The following FLI1 variants were observed in gnomAD, a reference collection of about 807,000 sequenced individuals.
The protein encoded by FLI1 is Fli-1 proto-oncogene, ETS transcription factor, also known as Friend leukemia integration 1 transcription factor.
Under a neutral mutation model 53.1 loss-of-function variants are expected in FLI1, and 13 were observed. That is an observed-to-expected ratio of 0.24 (90% CI 0.16 to 0.39). FLI1 has a LOEUF of 0.39. Among genes scored for constraint, FLI1 ranks in the 10% least tolerant of loss-of-function variants. The pLI is 1.00. For synonymous variants in FLI1, 244 were observed against 236.7 expected, an observed-to-expected ratio of 1.03 and a Z score of -0.28; for missense variants, 424 against 600.5, an observed-to-expected ratio of 0.71 and a Z score of 3.07.
Position 128,758,126 on chromosome 11 carries a change from G to T in FLI1, c.30G>T (p.Ser10=). Residue 10 remains serine (S), a synonymous_variant, in exon 2 of 9, where the codon TCG becomes TCT. Coordinates refer to ENST00000527786, the MANE Select transcript of FLI1 (RefSeq NM_002017.5). MDGTIKEAL[S]VVSDDQSLFD... is the part of the protein sequence containing the mutation. ...CTCTGGCCCTGCAGGAGGCTCTGTC[G>T]GTGGTGAGCGACGACCAGTCCCTCT... 1 of 1,612,216 alleles carries T rather than the reference G, an allele frequency of 6.2e-7. No homozygotes were observed. Among genetic ancestry groups the T allele is most frequent in the Non-Finnish European group, 8.5e-7 (1 of 1,179,152 alleles).
chr11:128,731,204 T>C lies in FLI1; in HGVS notation c.19-26911T>C, dbSNP rs539685791. Among the ~76,000 whole-genome samples the C allele has an allele frequency of 4.6e-5, 7 of 152,342 alleles. No individual in the cohort carries two copies. In the East Asian group the frequency reaches 1.3e-3, roughly 29 times the overall value. The stretch of plus-strand genomic sequence containing the variant: ...TGTGACCATAAGCCACACGGTGACA[T>C]GTACATTAGCCATGCCCTCTGCTTC... On this transcript the variant is annotated intron_variant, in intron 1 of 8. Transcript: ENST00000527786.
In FLI1 at chr11:128,810,360, C is replaced by A; in HGVS notation, c.830-99C>A. The stretch of plus-strand genomic sequence containing the variant: ...CAATGTCGAAGGAAACAAAAGGTTT[C>A]TTTAAAAGGATGAGAAGCTCCCTGC... On this transcript the variant is annotated intron_variant, in intron 8 of 8. Coordinates refer to ENST00000527786, the MANE Select transcript of FLI1 (RefSeq NM_002017.5). This position sits in a 1 kb window ranked among gnomAD's most constrained non-coding sequence, Gnocchi z 6.6. 3.3e-6 allele frequency: 4 copies of A among 1,220,228 alleles called. No homozygotes were observed. The highest frequency in any genetic ancestry group is 4.6e-6 in the Non-Finnish European group (4 of 878,352). 75.6% of individuals were successfully genotyped at this position (1,220,228 alleles called of 1,614,324 possible). A position where few individuals can be genotyped will look rare whatever the true frequency, so the allele number is the denominator to read the frequency against.
At chr11:128,797,401 C>G (rs1390267834) in intron 5 of FLI1, among the ~76,000 whole-genome samples, 2 of 152,164 alleles carry the variant, frequency 1.3e-5, no homozygotes, top group Admixed American at 6.6e-5. Flanking sequence ...CAATGTCAGC[C>G]AATCTGTCAC....
At chr11:128,808,964 A>G (rs1942862296) in intron 7 of FLI1, among the ~76,000 whole-genome samples, 193 bp from the exon 8 acceptor site, 1 of 152,234 alleles carries the variant, frequency 6.6e-6, no homozygotes, top group South Asian at 2.1e-4. Context: ...TTCTTTCTGT[A>G]ATTATTGAGA....
chr11:128,807,289 G>C (rs772499137), intron 7 of FLI1, 50 bp downstream of exon 7: 2 of 1,318,090 alleles, frequency 1.5e-6, no homozygotes, highest in Admixed American at 4.3e-5. Context: ...CACAGTTGTT[G>C]ATTTCACATG....
chr11:128,787,565 T>C (rs1942128265), intron 5 of FLI1, among the ~76,000 whole-genome samples: 1 of 152,310 alleles, frequency 6.6e-6, no homozygotes, highest in African/African-American at 2.4e-5. Flanking sequence ...AAACTTGGGC[T>C]CTGGACTCAG....
intron 5 of FLI1, among the ~76,000 whole-genome samples, chr11:128,787,964 G>A (rs534090241): frequency 2.0e-5 from 3 of 151,598 alleles, no homozygotes; most frequent in South Asian, 2.1e-4. Flanking sequence ...CCGCCACCAC[G>A]CCCAGCTAAT....
At chr11:128,799,058 C>A (rs868814293) in intron 5 of FLI1, among the ~76,000 whole-genome samples, 2 of 102,778 alleles carry the variant, frequency 1.9e-5, no homozygotes, top group East Asian at 2.5e-4. Context: ...TATTATTTTG[C>A]TTTGGAGACA....
chr11:128,786,392 TATTGATGCATGATGTTACTGATTTA>T (rs1214397763), intron 5 of FLI1, among the ~76,000 whole-genome samples: 1 of 152,250 alleles, frequency 6.6e-6, no homozygotes, highest in Non-Finnish European at 1.5e-5. Flanking sequence ...TGACTGATTT[TATTGATGCATGATGTTACTGATTTA>T]GACAACTGTA....
intron 1 of FLI1, among the ~76,000 whole-genome samples, chr11:128,711,993 G>T (rs1317745593): frequency 6.6e-6 from 1 of 152,112 alleles, no homozygotes; most frequent in Non-Finnish European, 1.5e-5. Context: ...TCTCCAATGA[G>T]TATTCCCTAG....
At chr11:128,741,663 T>TCCTG (rs1357316779) in intron 1 of FLI1, among the ~76,000 whole-genome samples, 1 of 152,204 alleles carries the variant, frequency 6.6e-6, no homozygotes, top group Non-Finnish European at 1.5e-5. Flanking sequence ...TCATCTGAGG[T>TCCTG]CCTGGCTGGC....
At chr11:128,749,001 GTTTAT>G (rs1299086615) in intron 1 of FLI1, among the ~76,000 whole-genome samples, 4 of 152,088 alleles carry the variant, frequency 2.6e-5, no homozygotes, top group Admixed American at 6.5e-5. Flanking sequence ...TTTGTCTGTT[GTTTAT>G]TTTGTTTTTG....
At chr11:128,758,006 C>A in intron 1 of FLI1, 109 bp from the exon 2 acceptor site, 1 of 915,878 alleles carries the variant, frequency 1.1e-6, no homozygotes, top group Non-Finnish European at 1.7e-6. Flanking sequence ...AACTTCCAGA[C>A]AAGCTGTCCT....
At chr11:128,748,596 G>A (rs1940511731) in intron 1 of FLI1, among the ~76,000 whole-genome samples, 1 of 151,886 alleles carries the variant, frequency 6.6e-6, no homozygotes. Context: ...TCGCGCCTCT[G>A]CACTCCAGCC....
At chr11:128,778,507 C>G (rs1317735567) in intron 4 of FLI1, among the ~76,000 whole-genome samples, 1 of 152,368 alleles carries the variant, frequency 6.6e-6, no homozygotes, top group Admixed American at 6.5e-5. Context: ...GATGGGGCTC[C>G]TGCCTTCTGC....
intron 1 of FLI1, among the ~76,000 whole-genome samples, chr11:128,721,164 C>A (rs924463180): frequency 6.6e-6 from 1 of 152,176 alleles, no homozygotes; most frequent in Non-Finnish European, 1.5e-5. Flanking sequence ...GGAGCTCACC[C>A]CTGTAGGATG....
chr11:128,758,252 A>G lies in FLI1; in HGVS notation c.156A>G (p.Pro52=), dbSNP rs762753309. ...AGCCCCACAAGATCAACCCCCTCCC[A>G]CCACAGCAGGAGTGGATCAATCAGC... is the stretch of plus-strand genomic sequence containing the variant. ...YGQPHKINPL[P]PQQEWINQPV... The change falls in exon 2 of 9, where the codon CCA becomes CCG. Residue 52 remains proline, a synonymous_variant. Coordinates refer to ENST00000527786, the MANE Select transcript of FLI1 (RefSeq NM_002017.5). 1.2e-6 allele frequency: 2 copies of G among 1,613,438 alleles called. No individual in the cohort carries two copies. The highest frequency in any genetic ancestry group is 2.2e-5 in the East Asian group (1 of 44,858).
chr11:128,717,178 T>C (rs111543700), intron 1 of FLI1, among the ~76,000 whole-genome samples: 5,965 of 152,086 alleles, frequency 0.039, 425 homozygotes, highest in African/African-American at 0.14. Context: ...CTTCAAGCGA[T>C]GGGGAGATTA....
chr11:128,794,625 C>T (rs1942375521), intron 5 of FLI1, among the ~76,000 whole-genome samples: 1 of 152,220 alleles, frequency 6.6e-6, no homozygotes, highest in East Asian at 1.9e-4. Context: ...TCTCTCTCTT[C>T]AGAAGCCCTT....
Sources: gnomAD v4.1 joint callset for allele counts (sites outside exome capture counted in the v4.1 genomes callset) on GRCh38, gnomAD v4.1.1 for gene constraint, Gnocchi (gnomAD v3.1) non-coding constraint, MANE v1.5 for transcripts, NCBI Gene and HGNC (gene_info 2026-07-23, HGNC 2026-07-21) for gene names.